Variants in PBRM1 observed in about 807,000 individuals in gnomAD.
PBRM1 encodes protein polybromo-1.
PBRM1 carries 27 observed loss-of-function variants against 194.5 expected under a neutral mutation model. The ratio of observed to expected loss-of-function variants is 0.14; its 90% CI spans 0.10 to 0.19. The LOEUF (loss-of-function observed/expected upper bound fraction) is 0.19. Ranked by LOEUF, PBRM1 falls within the 10% of genes least tolerant of loss-of-function variation. The pLI is 1.00. For missense variants in PBRM1, 1,466 were observed against 2,077.2 expected (o/e 0.71, Z 5.72); for synonymous variants, 655 against 693.2 (o/e 0.94, Z 0.87).
At chr3:52,611,952 G>A (rs903255257) in intron 15 of PBRM1, among the ~76,000 whole-genome samples, 1 of 151,994 alleles carries the variant, frequency 6.6e-6, no homozygotes, top group Admixed American at 6.6e-5. Context: ...AGCTGGAGGG[G>A]AGTTTACAGA....
intron 15 of PBRM1, among the ~76,000 whole-genome samples, chr3:52,610,272 A>G (rs1269547694): frequency 6.6e-6 from 1 of 152,246 alleles, no homozygotes; most frequent in African/African-American, 2.4e-5. Flanking sequence ...CATGGGATAA[A>G]AAGAGATAAC....
rs768794473 is a variant in PBRM1 at position 52,579,091 on chromosome 3, T to G, written c.3496A>C (p.Ile1166Leu). 13 of 1,614,076 alleles carry G rather than the reference T, an allele frequency of 8.1e-6. No individual in the cohort carries two copies. In the South Asian group the frequency reaches 1.4e-4, roughly 18 times the overall value. The stretch of plus-strand genomic sequence containing the variant: ...GGACGCACCAGGCCATGGGACTTGA[T>G]GAAGACACAGTCGCCAACCTTCAGC... Residue 1166 changes from isoleucine to leucine, a missense_variant, in exon 21 of 30, where the codon ATC becomes CTC. By Grantham distance (5) the Ile-to-Leu change is conservative. Around this residue, in one of 5 missense-constraint regions of PBRM1, gnomAD observed 687 missense variants for 946.2 expected, o/e 0.73. Transcript: ENST00000296302.
intron 2 of PBRM1, among the ~76,000 whole-genome samples, chr3:52,674,791 CAA>C (rs1491455263): frequency 6.7e-6 from 1 of 149,952 alleles, no homozygotes; most frequent in Non-Finnish European, 1.5e-5. Context: ...GTTATATATA[CAA>C]TATATATATT....
At position 52,580,563 on chromosome 3, in the gene PBRM1, T is replaced by C. The variant is rs568642684; in HGVS notation, c.3388-1364A>G. Among the ~76,000 whole-genome samples the C allele has an allele frequency of 3.2e-4, 48 of 152,188 alleles. No homozygotes were observed. In the East Asian group the frequency reaches 7.7e-3, roughly 25 times the overall value. On this transcript the variant is annotated intron_variant, in intron 20 of 29. Transcript: ENST00000296302. ...ATTTTTAGTAGAGACGGGGTTTCAC[T>C]GTGTTAGCCAGGATGGTCTTGATCT...
At chr3:52,585,406 G>A (rs1172688779) in intron 20 of PBRM1, 1 of 152,060 alleles carries the variant, frequency 6.6e-6, no homozygotes, top group Non-Finnish European at 1.5e-5. Flanking sequence ...TGTACATTCT[G>A]TATTATATCT....
intron 10 of PBRM1, among the ~76,000 whole-genome samples, chr3:52,636,718 C>T (rs1224116563): frequency 8.4e-6 from 1 of 119,344 alleles, no homozygotes; most frequent in Non-Finnish European, 1.6e-5. Flanking sequence ...GATTACACCA[C>T]TGTACTCCAG....
At chr3:52,681,774 G>A (rs372876079), upstream of PBRM1, 22 of 995,666 alleles carry the variant, frequency 2.2e-5, no homozygotes, top group African/African-American at 2.9e-4. Context: ...GCCAGTGGGA[G>A]AAGGAAGGGC....
chr3:52,604,881 G>A (rs1333957764), intron 16 of PBRM1, among the ~76,000 whole-genome samples: 3 of 151,880 alleles, frequency 2.0e-5, no homozygotes, highest in Non-Finnish European at 4.4e-5. Flanking sequence ...TTGAACCCGG[G>A]AGGTGGAGGT....
At chr3:52,634,435 C>CAAA in intron 11 of PBRM1, among the ~76,000 whole-genome samples, 167 bp downstream of exon 12, 1 of 46,288 alleles carries the variant, frequency 2.2e-5, no homozygotes, top group Non-Finnish European at 4.7e-5. Flanking sequence ...GACTCCGTCT[C>CAAA]AAAAAAAAAA....
At chr3:52,681,613 A>G (rs1317813906), upstream of PBRM1, 6 of 456,392 alleles carry the variant, frequency 1.3e-5, no homozygotes, top group African/African-American at 4.2e-5. Context: ...TGTGGAAAGG[A>G]TAACAAAAAT....
In PBRM1 at chr3:52,627,267, A is replaced by G. The variant is rs1412088032; in HGVS notation, c.1541+6T>C. On this transcript the variant is annotated splice_donor_region_variant and intron_variant, in intron 13 of 29. Coordinates refer to ENST00000296302, the Ensembl canonical transcript of PBRM1. The stretch of plus-strand genomic sequence containing the variant: ...AGATGTCCCCAGCTATAAGAAGAGT[A>G]TATACCTTTTTCTTTTGGCACTACC... 6.6e-7 allele frequency: 1 copy of G among 1,517,532 alleles called. No individual in the cohort carries two copies. Among genetic ancestry groups the G allele is most frequent in the South Asian group, 1.1e-5 (1 of 89,168 alleles). 94.0% of individuals were successfully genotyped at this position (1,517,532 alleles called of 1,614,324 possible). A position where few individuals can be genotyped will look rare whatever the true frequency, so the allele number is the denominator to read the frequency against.
In PBRM1 at chr3:52,609,345, A is replaced by C. The variant is rs763587751; in HGVS notation, c.2535T>G (p.Phe845Leu). The C allele has an allele frequency of 1.2e-6, 2 of 1,613,894 alleles. No individual in the cohort carries two copies. The highest frequency in any genetic ancestry group is 1.3e-5 in the African/African-American group (1 of 75,050). Residue 845 changes from phenylalanine (F) to leucine (L), a missense_variant, in exon 16 of 30, where the codon TTT becomes TTG. Phe to Leu is a conservative substitution (Grantham distance 22, BLOSUM62 0). Transcript: ENST00000296302. This position sits in a 1 kb window ranked among gnomAD's most constrained non-coding sequence, Gnocchi z 4.1. ...TCCTTCTTGCTCGTTCCAATACTTC[A>C]AACATATGCTCTTGAAATAAATCAA...
chr3:52,617,630 G>A, intron 13 of PBRM1, 92 bp from the exon 16 acceptor site: 1 of 874,984 alleles, frequency 1.1e-6, no homozygotes, highest in Non-Finnish European at 1.7e-6. Flanking sequence ...AATTATTTAT[G>A]GTGCTTTATA....
chr3:52,666,082 T>C (rs188036086), intron 3 of PBRM1, among the ~76,000 whole-genome samples: 1 of 151,916 alleles, frequency 6.6e-6, no homozygotes, highest in East Asian at 1.9e-4. Context: ...AAAAATGAAA[T>C]CAAAAGAAGG....
chr3:52,660,680 T>C (rs1298086632), intron 4 of PBRM1, among the ~76,000 whole-genome samples: 1 of 151,932 alleles, frequency 6.6e-6, no homozygotes, highest in East Asian at 1.9e-4. Context: ...GCCCAGCTAA[T>C]TTTTGTATTT....
chr3:52,612,402 T>A (rs540636221), intron 15 of PBRM1, among the ~76,000 whole-genome samples: 13 of 151,312 alleles, frequency 8.6e-5, no homozygotes, highest in Non-Finnish European at 1.5e-4. Flanking sequence ...ACCACCAAGG[T>A]GAAACTTAAT....
intron 11 of PBRM1, 104 bp from the exon 13 acceptor site, chr3:52,629,139 T>G (rs1244552356): frequency 1.2e-6 from 1 of 806,636 alleles, no homozygotes; most frequent in African/African-American, 1.7e-5. Context: ...CATGGTATCT[T>G]TACTGGTAAT....
chr3:52,561,986 CT>C lies in PBRM1; in HGVS notation c.4087-19del. The C allele has an allele frequency of 6.3e-7, 1 of 1,591,436 alleles. No homozygotes were observed. Among genetic ancestry groups the C allele is most frequent in the Non-Finnish European group, 8.6e-7 (1 of 1,159,492 alleles). The stretch of plus-strand genomic sequence containing the variant: ...GGGGTAGACTGTAAGACAGAAAGGT[CT>C]TATGGTGCATCAAAACATTACATTT... On this transcript the variant is annotated intron_variant, in intron 24 of 29. Transcript: ENST00000296302.
intron 17 of PBRM1, among the ~76,000 whole-genome samples, chr3:52,591,678 C>T (rs911560922): frequency 3.3e-5 from 5 of 151,262 alleles, no homozygotes; most frequent in African/African-American, 7.3e-5. Context: ...CACCACCATG[C>T]CCGGCTAATT....
Sources: gnomAD v4.1 joint callset for allele counts (sites outside exome capture counted in the v4.1 genomes callset) on GRCh38, gnomAD v4.1.1 for gene constraint, gnomAD v4.1.1 regional missense constraint, Gnocchi (gnomAD v3.1) non-coding constraint, MANE v1.5 for transcripts, NCBI Gene and HGNC (gene_info 2026-07-23, HGNC 2026-07-21) for gene names.